Variants in RANBP17 observed in about 807,000 individuals in gnomAD.
The protein encoded by RANBP17 is ran-binding protein 17.
In RANBP17, 158 loss-of-function variants were observed where a neutral mutation model predicts 141.2. That is an observed-to-expected ratio of 1.12 (90% CI 0.98 to 1.28). The LOEUF is 1.28. Among genes scored for constraint, RANBP17 ranks in the 50% most tolerant of loss-of-function variants. The probability of loss-of-function intolerance (pLI) is 0.00; values close to 1 mark genes in which losing one functional copy is unlikely to be tolerated. For synonymous variants in RANBP17, 430 were observed against 450.0 expected (o/e 0.96, Z 0.56); for missense variants, 1,438 against 1,290.7 (o/e 1.11, Z -1.75).
At chr5:170,970,685 A>G (rs1174937250) in intron 14 of RANBP17, 17 of 152,124 alleles carry the variant, frequency 1.1e-4, no homozygotes, top group Admixed American at 1.0e-3. Flanking sequence ...GAATGGGTTA[A>G]GACACTATTT....
intron 14 of RANBP17, chr5:170,983,020 A>G (rs1207436814): frequency 2.2e-6 from 1 of 457,346 alleles, no homozygotes; most frequent in Non-Finnish European, 4.2e-6. Context: ...AGACCTTTTC[A>G]CTCAGACAAA....
chr5:171,165,301 C>T (rs1338711810), intron 14 of RANBP17, among the ~76,000 whole-genome samples: 1 of 151,842 alleles, frequency 6.6e-6, no homozygotes, highest in African/African-American at 2.4e-5. Flanking sequence ...CCTGTCTCAG[C>T]CTCCCAAGTA....
chr5:171,049,115 C>G (rs1184246430), intron 14 of RANBP17, among the ~76,000 whole-genome samples: 2 of 152,150 alleles, frequency 1.3e-5, no homozygotes, highest in African/African-American at 2.4e-5. Context: ...TAAGCATTCC[C>G]TTTTCTCTGC....
chr5:171,109,781 T>A (rs918828959), intron 14 of RANBP17, among the ~76,000 whole-genome samples: 3 of 152,320 alleles, frequency 2.0e-5, no homozygotes, highest in African/African-American at 7.2e-5. Context: ...TGGTTGAATC[T>A]ATAGAAGGTC....
chr5:170,969,534 C>G (rs1776837164), intron 14 of RANBP17, among the ~76,000 whole-genome samples: 1 of 151,788 alleles, frequency 6.6e-6, no homozygotes, highest in Admixed American at 6.6e-5. Flanking sequence ...TTTAATATGT[C>G]CAGAGAGTAT....
chr5:171,090,402 C>T (rs972930861), intron 14 of RANBP17, among the ~76,000 whole-genome samples: 1 of 152,162 alleles, frequency 6.6e-6, no homozygotes. Flanking sequence ...AACAGCAAAG[C>T]ATTCAAGAGG....
chr5:170,998,026 G>T (rs1431258962), intron 14 of RANBP17, among the ~76,000 whole-genome samples: 1 of 151,278 alleles, frequency 6.6e-6, no homozygotes, highest in East Asian at 1.9e-4. Flanking sequence ...GAGGCGGGCG[G>T]ATCACATGAG....
chr5:171,100,060 AT>A (rs1321265136), intron 14 of RANBP17, among the ~76,000 whole-genome samples: 1 of 152,156 alleles, frequency 6.6e-6, no homozygotes, highest in East Asian at 1.9e-4. Flanking sequence ...TTGGCCTGAA[AT>A]TTTATTTTTT....
At chr5:171,029,978 G>A (rs1781454805) in intron 14 of RANBP17, among the ~76,000 whole-genome samples, 2 of 151,914 alleles carry the variant, frequency 1.3e-5, no homozygotes, top group South Asian at 4.2e-4. Context: ...CCTTGTCTCT[G>A]ACTTTCACCC....
At chr5:171,184,109 C>T (rs1581811517) in intron 18 of RANBP17, among the ~76,000 whole-genome samples, 1 of 152,192 alleles carries the variant, frequency 6.6e-6, no homozygotes, top group East Asian at 1.9e-4. Context: ...CTGTACAATC[C>T]AGCAATCCTA....
At chr5:170,889,195 G>A (rs1309850081) in intron 3 of RANBP17, among the ~76,000 whole-genome samples, 1 of 151,520 alleles carries the variant, frequency 6.6e-6, no homozygotes, top group African/African-American at 2.4e-5. Flanking sequence ...AGATTATAGT[G>A]TATACTTCTC....
At chr5:171,062,260 G>T (rs370608666) in intron 14 of RANBP17, among the ~76,000 whole-genome samples, 5 of 152,186 alleles carry the variant, frequency 3.3e-5, no homozygotes, top group Non-Finnish European at 7.3e-5. Flanking sequence ...AGCCTTGATG[G>T]TCTTTACAAT....
chr5:171,049,294 G>A (rs1225110434), intron 14 of RANBP17, among the ~76,000 whole-genome samples: 1 of 152,084 alleles, frequency 6.6e-6, no homozygotes, highest in East Asian at 1.9e-4. Flanking sequence ...AAAAGTGTCA[G>A]TTCATGTCAT....
intron 14 of RANBP17, among the ~76,000 whole-genome samples, chr5:171,110,895 T>C (rs1433486415): frequency 6.6e-6 from 1 of 151,494 alleles, no homozygotes; most frequent in Non-Finnish European, 1.5e-5. Flanking sequence ...AGTTTTAGGG[T>C]ACATGTGCAC....
chr5:170,971,135 A>G (rs184641366), intron 14 of RANBP17, among the ~76,000 whole-genome samples: 4 of 152,360 alleles, frequency 2.6e-5, no homozygotes, highest in Admixed American at 2.6e-4. Flanking sequence ...AATATTAAGC[A>G]TCTTGAACAT....
rs140512807 is a variant in RANBP17 at position 171,250,940 on chromosome 5, A to G, written c.2776+8120A>G. ...AACAGATCATCTAGACAGGAAGTCA[A>G]CAAAGACACTTTGCATTTAAACTGG... On this transcript the variant is annotated intron_variant, in intron 24 of 27. Transcript: ENST00000523189. Among the ~76,000 whole-genome samples the G allele has an allele frequency of 1.8e-3, 271 of 152,364 alleles. 1 individual carries two copies. The highest frequency in any genetic ancestry group is 5.7e-3 in the African/African-American group (238 of 41,590).
At chr5:171,116,026 T>G (rs1266618128) in intron 14 of RANBP17, among the ~76,000 whole-genome samples, 1 of 152,176 alleles carries the variant, frequency 6.6e-6, no homozygotes, top group Non-Finnish European at 1.5e-5. Context: ...ATTGTGACTT[T>G]GTTTTGAATT....
chr5:171,140,718 A>G (rs1176657587), intron 14 of RANBP17, among the ~76,000 whole-genome samples: 3 of 152,236 alleles, frequency 2.0e-5, no homozygotes, highest in Non-Finnish European at 4.4e-5. Flanking sequence ...TTACACATCC[A>G]TATGCATTTG....
chr5:171,294,678 G>A (rs531840182), intron 26 of RANBP17, among the ~76,000 whole-genome samples: 1 of 152,334 alleles, frequency 6.6e-6, no homozygotes, highest in African/African-American at 2.4e-5. Context: ...GAGAAGAGCT[G>A]TCTCATCATT....
Sources: allele counts gnomAD v4.1 joint callset (sites outside exome capture counted in the v4.1 genomes callset), GRCh38; gene constraint gnomAD v4.1.1; transcripts MANE v1.5; gene names NCBI Gene and HGNC (gene_info 2026-07-23, HGNC 2026-07-21).